MTRF1: variants seen among roughly 807,000 people sequenced by gnomAD.
The protein encoded by MTRF1 is mitochondrial translation release factor 1.
Under a neutral mutation model 62.9 loss-of-function variants are expected in MTRF1, and 51 were observed. The observed-to-expected ratio is 0.81, with a 90% CI of 0.65 to 1.02. The LOEUF is 1.02. Among genes scored for constraint, MTRF1 ranks in the 50% least tolerant of loss-of-function variants. The pLI is 0.00. For missense variants in MTRF1, 446 were observed against 530.0 expected, an observed-to-expected ratio of 0.84 and a Z score of 1.56; for synonymous variants, 158 against 181.9, an observed-to-expected ratio of 0.87 and a Z score of 1.06.
chr13:41,254,536 TACA>T lies in MTRF1; in HGVS notation c.497_499del (p.Leu166del). 1.9e-6 allele frequency: 3 copies of T among 1,612,994 alleles called. No homozygotes were observed. The highest frequency in any genetic ancestry group is 1.7e-6 in the Non-Finnish European group (2 of 1,179,146). ...CGACCTCTGAAAACCTACCTCATTG[TACA>T]ACATGTTGATTTTTTGATCAATGGT... On this transcript the variant is annotated inframe_deletion, in exon 3 of 10. Coordinates refer to ENST00000379480, the MANE Select transcript of MTRF1 (RefSeq NM_004294.4).
chr13:41,257,807 A>T (rs2039927761), intron 2 of MTRF1: 1 of 449,652 alleles, frequency 2.2e-6, no homozygotes, highest in Admixed American at 2.4e-5. Flanking sequence ...CTTAAAAGAA[A>T]CAAAAAGGGG....
At chr13:41,292,615 T>C in the MTRF1 span, among the ~76,000 whole-genome samples, 5 of 147,108 alleles carry the variant, frequency 3.4e-5, no homozygotes, top group African/African-American at 1.3e-4. Flanking sequence ...TTAAACAAAC[T>C]CATTTGAAAC....
At chr13:41,270,254 A>G in the MTRF1 span, among the ~76,000 whole-genome samples, 2 of 152,230 alleles carry the variant, frequency 1.3e-5, no homozygotes, top group Non-Finnish European at 1.5e-5. Context: ...AACATTACCA[A>G]TAATTTTAAA....
chr13:41,273,292 C>G, the MTRF1 span, among the ~76,000 whole-genome samples: 86 of 150,802 alleles, frequency 5.7e-4, no homozygotes, highest in African/African-American at 1.3e-3. Flanking sequence ...CGCCACTGCA[C>G]TCCAGCCTGG....
chr13:41,265,697 C>T (rs565046049), upstream of MTRF1, among the ~76,000 whole-genome samples: 7 of 152,132 alleles, frequency 4.6e-5, no homozygotes, highest in Non-Finnish European at 8.8e-5. Flanking sequence ...TACGTGAGTA[C>T]ACTGTGAGAT....
chr13:41,310,565 G>A, the MTRF1 span, among the ~76,000 whole-genome samples: 1 of 152,206 alleles, frequency 6.6e-6, no homozygotes, highest in Non-Finnish European at 1.5e-5. Flanking sequence ...AGCCACTCGG[G>A]AGGCTGAGGC....
At chr13:41,242,615 C>CT (rs1304191290) in intron 5 of MTRF1, among the ~76,000 whole-genome samples, 1 of 152,136 alleles carries the variant, frequency 6.6e-6, no homozygotes, top group Non-Finnish European at 1.5e-5. Flanking sequence ...TCCTGCACAT[C>CT]TTACAAATGA....
chr13:41,266,382 C>T (rs1362498659), upstream of MTRF1, among the ~76,000 whole-genome samples: 2 of 151,280 alleles, frequency 1.3e-5, no homozygotes, highest in African/African-American at 2.4e-5. Flanking sequence ...GAGGCCAAGG[C>T]GGGTGGATCA....
At chr13:41,310,454 C>T in the MTRF1 span, among the ~76,000 whole-genome samples, 1 of 152,116 alleles carries the variant, frequency 6.6e-6, no homozygotes, top group African/African-American at 2.4e-5. Context: ...GGGCGGATCA[C>T]GAGGTCAAGA....
chr13:41,303,790 A>G, the MTRF1 span, among the ~76,000 whole-genome samples: 1 of 152,242 alleles, frequency 6.6e-6, no homozygotes, highest in Non-Finnish European at 1.5e-5. Context: ...GATGTCTTAA[A>G]AACAAAAGCA....
chr13:41,276,128 C>T, the MTRF1 span, among the ~76,000 whole-genome samples: 1 of 152,094 alleles, frequency 6.6e-6, no homozygotes, highest in South Asian at 2.1e-4. Context: ...ATTACTAATT[C>T]CTCTGCCTAG....
the MTRF1 span, among the ~76,000 whole-genome samples, chr13:41,298,711 A>T: frequency 6.6e-6 from 1 of 152,380 alleles, no homozygotes; most frequent in East Asian, 1.9e-4. Context: ...GGTCCTGAAG[A>T]GGATCTGGGA....
chr13:41,264,960 C>T, upstream of MTRF1, among the ~76,000 whole-genome samples: 2 of 152,162 alleles, frequency 1.3e-5, 1 homozygote, highest in Non-Finnish European at 2.9e-5. Flanking sequence ...ACAGAAAAGA[C>T]AAAAACCTTT....
chr13:41,260,637 G>GCTCAAGGGTTTGGTA lies in MTRF1; in HGVS notation c.270_271insTACCAAACCCTTGAG (p.Tyr86_Glu90dup). ...TTCACAGGGATATGCTGCAGACATT[G>GCTCAAGGGTTTGGTA]CTCAAGTGTTTGGTACTCCTTACTC... On this transcript the variant is annotated inframe_insertion, in exon 2 of 10. Transcript: ENST00000379480. 1 of 1,614,124 alleles carries GCTCAAGGGTTTGGTA rather than the reference G, an allele frequency of 6.2e-7. No individual in the cohort carries two copies. Among genetic ancestry groups the GCTCAAGGGTTTGGTA allele is most frequent in the Non-Finnish European group, 8.5e-7 (1 of 1,180,004 alleles).
At chr13:41,249,619 C>CTTTTTTTTTTTTTTTTT (rs1166204914) in intron 5 of MTRF1, among the ~76,000 whole-genome samples, 24 of 61,534 alleles carry the variant, frequency 3.9e-4, no homozygotes, top group East Asian at 1.3e-3. Flanking sequence ...ATTTTTTTTT[C>CTTTTTTTTTTTTTTTTT]TTTTTTTTTT....
chr13:41,239,959 G>A (rs1454252450), intron 6 of MTRF1, among the ~76,000 whole-genome samples: 6 of 152,058 alleles, frequency 3.9e-5, no homozygotes, highest in African/African-American at 7.2e-5. Flanking sequence ...TCAGGAGTTC[G>A]AGACCAGTCT....
the MTRF1 span, among the ~76,000 whole-genome samples, chr13:41,300,315 C>G: frequency 6.6e-6 from 1 of 151,992 alleles, no homozygotes. Context: ...GGCTGGGAGC[C>G]GTGGCTCACG....
chr13:41,279,000 T>C, the MTRF1 span, among the ~76,000 whole-genome samples: 1 of 152,200 alleles, frequency 6.6e-6, no homozygotes, highest in Non-Finnish European at 1.5e-5. Context: ...ATTTTTTATT[T>C]TTTTTGAGAT....
At chr13:41,286,811 C>T in the MTRF1 span, among the ~76,000 whole-genome samples, 1 of 152,088 alleles carries the variant, frequency 6.6e-6, no homozygotes, top group African/African-American at 2.4e-5. Flanking sequence ...ACAGACTGAT[C>T]CAAAGAGCTG....
Sources: gnomAD v4.1 joint callset for allele counts (sites outside exome capture counted in the v4.1 genomes callset) on GRCh38, gnomAD v4.1.1 for gene constraint, MANE v1.5 for transcripts, NCBI Gene and HGNC (gene_info 2026-07-23, HGNC 2026-07-21) for gene names.